Variants in SCN1B observed in about 807,000 individuals in gnomAD.
The protein encoded by SCN1B is sodium voltage-gated channel beta subunit 1.
A neutral mutation model predicts 25.7 loss-of-function variants in SCN1B; 11 were observed. The ratio of observed to expected loss-of-function variants is 0.43; its 90% CI spans 0.27 to 0.71. The LOEUF is 0.71. Ranked by LOEUF, SCN1B falls within the 30% of genes least tolerant of loss-of-function variation. The pLI is 0.21. For missense variants in SCN1B, 224 were observed against 291.5 expected (o/e 0.77, Z 1.69); for synonymous variants, 119 against 117.5 (o/e 1.01, Z -0.08).
rs762860756 is a variant in SCN1B at position 35,039,143 on chromosome 19, T to C, written c.475T>C (p.Ser159Pro). Residue 159 changes from serine (S) to proline (P), a missense_variant, in exon 4 of 6, where the codon TCT becomes CCT. Around this residue, in one of 3 missense-constraint regions of SCN1B, gnomAD observed 126 missense variants for 204.9 expected, o/e 0.61. Coordinates refer to ENST00000262631, the MANE Select transcript of SCN1B (RefSeq NM_001037.5). Reference sequence around the variant, plus strand: ...CAACAGAGACATGGCATCCATCGTGTCTGAGATCATGATGTATGTGCTCAT... The same window carrying C: ...CAACAGAGACATGGCATCCATCGTGCCTGAGATCATGATGTATGTGCTCAT... ...KANRDMASIVSEIMMYVLIVV... is the reference protein window; with the variant it reads ...KANRDMASIVPEIMMYVLIVV... 5.0e-6 allele frequency: 8 copies of C among 1,614,220 alleles called. No homozygotes were observed. The highest frequency in any genetic ancestry group is 5.9e-6 in the Non-Finnish European group (7 of 1,180,026).
At position 35,039,965 on chromosome 19, in the gene SCN1B, C is replaced by G. The variant is rs774531375; in HGVS notation, c.*174C>G. The G allele has an allele frequency of 3.5e-6, 2 of 563,446 alleles. No individual in the cohort carries two copies. Among genetic ancestry groups the G allele is most frequent in the Non-Finnish European group, 6.4e-6 (2 of 313,762 alleles). 34.9% of individuals were successfully genotyped at this position (563,446 alleles called of 1,614,324 possible). On this transcript the variant is annotated 3_prime_UTR_variant, in exon 6 of 6. Coordinates refer to ENST00000262631, the MANE Select transcript of SCN1B (RefSeq NM_001037.5). ...GGGGCTTGGCTCGCACCCCCACTTT[C>G]GCCTCCTCCAGCTCCTGCCCCGCCG...
At position 35,039,235 on chromosome 19, in the gene SCN1B, G is replaced by T. The variant is rs916733393; in HGVS notation, c.567G>T (p.Thr189=). Residue 189 remains threonine, a synonymous_variant, in exon 4 of 6, where the codon ACG becomes ACT. Transcript: ENST00000262631. ...IYCYKKIAAA[T]ETAAQENASE... ...GCTACAAGAAGATCGCTGCCGCCAC[G>T]GAGACTGCTGCACAGGAGAATGCGT... The T allele has an allele frequency of 6.2e-7, 1 of 1,613,830 alleles. No individual in the cohort carries two copies. The highest frequency in any genetic ancestry group is 8.5e-7 in the Non-Finnish European group (1 of 1,180,028).
chr19:35,030,723 TC>T lies in SCN1B; in HGVS notation c.-95del. On this transcript the variant is annotated 5_prime_UTR_variant, in exon 1 of 6. Transcript: ENST00000262631. Reference sequence around the variant, plus strand: ...AGCCGCAGCTGCTGCGCCCGCGCGCTCCCGGGGACATTCTAACCGCCGCCAG... The same window carrying T: ...AGCCGCAGCTGCTGCGCCCGCGCGCTCCGGGGACATTCTAACCGCCGCCAG... 2 of 323,616 alleles carry T rather than the reference TC, an allele frequency of 6.2e-6. No homozygotes were observed. Among genetic ancestry groups the T allele is most frequent in the Admixed American group, 4.3e-5 (1 of 23,144 alleles). The allele number at this position is 323,616 out of a possible 1,614,324, so 20.0% of individuals were successfully genotyped here. A position where few individuals can be genotyped will look rare whatever the true frequency, so the allele number is the denominator to read the frequency against.
rs1464173141 is a variant in SCN1B, at chr19:35,036,894, A to ACAGGCACGC, written c.449-2222_449-2214dup. ...CTCAGCCTCCGAAGTAGCTGGGATT[A>ACAGGCACGC]CAGGCACGCGCCACCACGCCCGGCT... On this transcript the variant is annotated intron_variant, in intron 3 of 5. Coordinates refer to ENST00000262631, the MANE Select transcript of SCN1B (RefSeq NM_001037.5). 3.9e-5 allele frequency: 6 copies of ACAGGCACGC among 152,104 alleles called. No homozygotes were observed. The East Asian group carries it at 1.2e-3, about 29-fold the overall frequency. The allele number at this position is 152,104 out of a possible 1,614,324, so 9.4% of individuals were successfully genotyped here.
intron 3 of SCN1B, chr19:35,038,582 G>T: frequency 5.2e-6 from 1 of 193,880 alleles, no homozygotes; most frequent in Non-Finnish European, 1.1e-5. Context: ...TTTGAACCCT[G>T]GCAGTCTGGC....
chr19:35,034,129 T>C lies in SCN1B; in HGVS notation c.448+390T>C, dbSNP rs1351719230. ...TCTTCCATCATGGGGTTCATGAGGA[T>C]TGAGCAGCTGCAGGCACACGCCTGG... On this transcript the variant is annotated intron_variant, in intron 3 of 5. Transcript: ENST00000262631. The C allele has an allele frequency of 1.9e-6, 3 of 1,551,410 alleles. No homozygotes were observed. The Admixed American group carries it at 5.9e-5, about 30-fold the overall frequency.
Position 35,039,984 on chromosome 19 carries a change from C to T in SCN1B, c.*193C>T, listed in dbSNP as rs1159528080. On this transcript the variant is annotated 3_prime_UTR_variant, in exon 6 of 6. Coordinates refer to ENST00000262631, the MANE Select transcript of SCN1B (RefSeq NM_001037.5). ...CACTTTCGCCTCCTCCAGCTCCTGC[C>T]CCGCCGGCCGCGCACCGCCATGCAT... 3.7e-6 allele frequency: 2 copies of T among 540,770 alleles called. No individual in the cohort carries two copies. Among genetic ancestry groups the T allele is most frequent in the African/African-American group, 1.9e-5 (1 of 52,528 alleles). The allele number at this position is 540,770 out of a possible 1,614,324, so 33.5% of individuals were successfully genotyped here.
rs1210475130 is a variant in SCN1B, at chr19:35,032,689, G to C, written c.202G>C (p.Val68Leu). 3 of 1,613,752 alleles carry C rather than the reference G, an allele frequency of 1.9e-6. No individual in the cohort carries two copies. The Admixed American group carries it at 5.0e-5, about 27-fold the overall frequency. Residue 68 changes from valine (V) to leucine (L), a missense_variant, in exon 2 of 6, where the codon GTC (valine) becomes CTC (leucine). Around this residue, in one of 3 missense-constraint regions of SCN1B, gnomAD observed 126 missense variants for 204.9 expected, o/e 0.61. Coordinates refer to ENST00000262631, the MANE Select transcript of SCN1B (RefSeq NM_001037.5). This position sits in a 1 kb window ranked among gnomAD's most constrained non-coding sequence, Gnocchi z 4.3. ...CCGCCAGAAGGGCACTGAGGAGTTT[G>C]TCAAGGTGTGCGGGTGCCGGGAACG... ...TFRQKGTEEF[V>L]KILRYENEVL...
rs886791415 is a variant in SCN1B at position 35,030,675 on chromosome 19, T to C, written c.-146T>C. The C allele has an allele frequency of 7.3e-5, 11 of 150,640 alleles. No individual in the cohort carries two copies. Among genetic ancestry groups the C allele is most frequent in the Non-Finnish European group, 1.0e-4 (7 of 70,202 alleles). 9.3% of individuals were successfully genotyped at this position (150,640 alleles called of 1,614,324 possible). ...CGGAGCGGGGGGGCCGCGCCCCCCCTCCTCCCCCCTCGCCGGTCCCAGAGC... is the reference window on the plus strand; with the variant it reads ...CGGAGCGGGGGGGCCGCGCCCCCCCCCCTCCCCCCTCGCCGGTCCCAGAGC... On this transcript the variant is annotated 5_prime_UTR_variant, in exon 1 of 6. Transcript: ENST00000262631.
chr19:35,032,902 C>T lies in SCN1B; in HGVS notation c.207+208C>T, dbSNP rs898412183. On this transcript the variant is annotated intron_variant, in intron 2 of 5. Coordinates refer to ENST00000262631, the MANE Select transcript of SCN1B (RefSeq NM_001037.5). The surrounding 1 kb of genome is among the most constrained non-coding windows in gnomAD (Gnocchi z 4.3). ...AAGTCAGTTTCCTCCTCGGTAAAGA[C>T]GGGGTGGCGGTGGTCTCTAGCCCAT... Among the ~76,000 whole-genome samples, 1 of 152,090 alleles carries T rather than the reference C, an allele frequency of 6.6e-6. No homozygotes were observed. The highest frequency in any genetic ancestry group is 2.4e-5 in the African/African-American group (1 of 41,416).
intron 3 of SCN1B, chr19:35,033,945 C>T: frequency 1.3e-6 from 2 of 1,555,286 alleles, no homozygotes; most frequent in Non-Finnish European, 1.7e-6. Flanking sequence ...GAGGTCAAAG[C>T]ATGCCTGTCC....
chr19:35,038,618 A>G (rs947843416), intron 3 of SCN1B: 1 of 216,016 alleles, frequency 4.6e-6, no homozygotes, highest in Non-Finnish European at 9.5e-6. Context: ...GTTAACCATT[A>G]GGCTTTATAG....
At chr19:35,034,159 C>T in intron 3 of SCN1B, 1 of 1,549,704 alleles carries the variant, frequency 6.5e-7, no homozygotes, top group Non-Finnish European at 8.7e-7. Flanking sequence ...GCCTGGCTTC[C>T]AGCAGAGCCT....
chr19:35,032,621 G>T lies in SCN1B; in HGVS notation c.134G>T (p.Arg45Leu). The T allele has an allele frequency of 1.2e-6, 2 of 1,614,126 alleles. No individual in the cohort carries two copies. Among genetic ancestry groups the T allele is most frequent in the Non-Finnish European group, 1.7e-6 (2 of 1,180,036 alleles). Residue 45 changes from arginine to leucine, a missense_variant, in exon 2 of 6, where the codon CGC (arginine) becomes CTC (leucine). Physicochemically the swap from Arg to Leu is moderately radical, Grantham distance 102. Around this residue, in one of 3 missense-constraint regions of SCN1B, gnomAD observed 126 missense variants for 204.9 expected, o/e 0.61. Coordinates refer to ENST00000262631, the MANE Select transcript of SCN1B (RefSeq NM_001037.5). This position sits in a 1 kb window ranked among gnomAD's most constrained non-coding sequence, Gnocchi z 4.3. ...AAAATTCTTTGCATCTCCTGCAAGC[G>T]CCGCAGCGAGACCAACGCTGAGACC... ...TFKILCISCK[R>L]RSETNAETFT...
intron 4 of SCN1B, 116 bp downstream of exon 4, chr19:35,039,374 T>C: frequency 1.4e-6 from 2 of 1,421,118 alleles, no homozygotes; most frequent in Non-Finnish European, 2.0e-6. Flanking sequence ...GCGCCATCTC[T>C]CAGTACTACC....
chr19:35,039,738 G>A, intron 5 of SCN1B, 32 bp downstream of exon 5: 3 of 1,608,160 alleles, frequency 1.9e-6, no homozygotes, highest in South Asian at 1.1e-5. Context: ...AGGGGAAGGG[G>A]ATTGGGAGGG....
chr19:35,032,442 AG>A lies in SCN1B; in HGVS notation c.41-80del. ...CAGTCCTGTCTGCTGGTAATCATTG[AG>A]GGGGGAACAGATGGTTTGTGAGGGG... is the stretch of plus-strand genomic sequence containing the variant. On this transcript the variant is annotated intron_variant, in intron 1 of 5. Transcript: ENST00000262631. The surrounding 1 kb of genome is among the most constrained non-coding windows in gnomAD (Gnocchi z 4.3). The A allele has an allele frequency of 2.0e-6, 3 of 1,505,048 alleles. No homozygotes were observed. The highest frequency in any genetic ancestry group is 1.7e-4 in the Middle Eastern group (1 of 5,784). The allele number at this position is 1,505,048 out of a possible 1,614,324, so 93.2% of individuals were successfully genotyped here.
chr19:35,032,677 A>G lies in SCN1B; in HGVS notation c.190A>G (p.Thr64Ala), dbSNP rs2151746044. 3 of 1,614,034 alleles carry G rather than the reference A, an allele frequency of 1.9e-6. No individual in the cohort carries two copies. The highest frequency in any genetic ancestry group is 3.3e-5 in the Admixed American group (2 of 60,028). The stretch of plus-strand genomic sequence containing the variant: ...CGAGTGGACCTTCCGCCAGAAGGGC[A>G]CTGAGGAGTTTGTCAAGGTGTGCGG... ...FTEWTFRQKG[T>A]EEFVKILRYE... Residue 64 changes from threonine (T) to alanine (A), a missense_variant, in exon 2 of 6, where the codon ACT (threonine) becomes GCT (alanine). This residue lies in a region of SCN1B where 126 missense variants were observed against 204.9 expected (regional missense o/e 0.61). Transcript: ENST00000262631. The surrounding 1 kb of genome is among the most constrained non-coding windows in gnomAD (Gnocchi z 4.3).
intron 3 of SCN1B, 51 bp from the exon 4 acceptor site, chr19:35,039,066 A>G: frequency 6.2e-7 from 1 of 1,609,788 alleles, no homozygotes; most frequent in East Asian, 2.2e-5. Context: ...CAGCACACTC[A>G]GGCTGTCATG....
Sources: allele counts gnomAD v4.1 joint callset (sites outside exome capture counted in the v4.1 genomes callset), GRCh38; gene constraint gnomAD v4.1.1; regional missense constraint gnomAD v4.1.1; non-coding constraint Gnocchi (gnomAD v3.1); transcripts MANE v1.5; gene names NCBI Gene and HGNC (gene_info 2026-07-23, HGNC 2026-07-21).